Variants in KCNQ1 observed in about 807,000 individuals in gnomAD.
KCNQ1 encodes the protein potassium voltage-gated channel subfamily Q member 1, also known as potassium voltage-gated channel subfamily KQT member 1.
KCNQ1 carries 49 observed loss-of-function variants against 72.4 expected under a neutral mutation model. The observed-to-expected ratio is 0.68, with a 90% CI of 0.54 to 0.86. KCNQ1 has a LOEUF of 0.86. Ranked by LOEUF, KCNQ1 falls within the 40% of genes least tolerant of loss-of-function variation. The pLI, the probability that KCNQ1 is intolerant of heterozygous loss-of-function variation, is 0.00. For missense variants in KCNQ1, 790 were observed against 945.1 expected, an observed-to-expected ratio of 0.84 and a Z score of 2.15; for synonymous variants, 450 against 412.6, an observed-to-expected ratio of 1.09 and a Z score of -1.10.
At chr11:2,838,245 G>T (rs557792103) in intron 15 of KCNQ1, among the ~76,000 whole-genome samples, 3 of 152,372 alleles carry the variant, frequency 2.0e-5, no homozygotes, top group African/African-American at 7.2e-5. Context: ...AGGGTCGGGG[G>T]ACAGGTGCCA....
rs115812926 is a variant in KCNQ1, at chr11:2,720,783, G to A, written c.1515-48061G>A. ...TGTCCCTCTCAGCCAATGGGAAGTC[G>A]TGCCCTTGGATCATTTGGGGCAAAT... is the stretch of plus-strand genomic sequence containing the variant. On this transcript the variant is annotated intron_variant, in intron 11 of 15. Transcript: ENST00000155840. The surrounding 1 kb of genome is among the most constrained non-coding windows in gnomAD (Gnocchi z 5.1). Among the ~76,000 whole-genome samples, 1,093 of 152,250 alleles carry A rather than the reference G, an allele frequency of 7.2e-3. 12 individuals carry two copies. The highest frequency in any genetic ancestry group is 0.025 in the African/African-American group (1,049 of 41,534).
At chr11:2,802,013 CTTTGTATT>C (rs1376498115) in intron 15 of KCNQ1, among the ~76,000 whole-genome samples, 1 of 152,226 alleles carries the variant, frequency 6.6e-6, no homozygotes, top group Non-Finnish European at 1.5e-5. Flanking sequence ...GTTGGGGGAG[CTTTGTATT>C]CTCTGTGGCT....
At position 2,521,163 on chromosome 11, in the gene KCNQ1, C is replaced by T. The variant is rs556755183; in HGVS notation, c.387-6765C>T. On this transcript the variant is annotated intron_variant, in intron 1 of 15. Transcript: ENST00000155840. The stretch of plus-strand genomic sequence containing the variant: ...TACATGGTTGTGCAACCGTCACCAC[C>T]ATCCACCCCAAAACTTCTCTCCCAA... 3.9e-5 allele frequency among the ~76,000 whole-genome samples: 6 copies of T among 152,240 alleles called. No homozygotes were observed. The South Asian group carries it at 6.2e-4, about 16-fold the overall frequency.
At chr11:2,814,121 G>A (rs977662795) in intron 15 of KCNQ1, among the ~76,000 whole-genome samples, 54 of 151,240 alleles carry the variant, frequency 3.6e-4, no homozygotes, top group Admixed American at 2.6e-3. Flanking sequence ...ATGAATAAAG[G>A]GATGGGTGGA....
chr11:2,835,686 A>T (rs923828393), intron 15 of KCNQ1, among the ~76,000 whole-genome samples: 4 of 152,128 alleles, frequency 2.6e-5, no homozygotes, highest in African/African-American at 9.7e-5. Flanking sequence ...AGCCTGCAGC[A>T]TGCTGGGGCA....
Position 2,746,136 on chromosome 11 carries a change from C to T in KCNQ1, c.1515-22708C>T, listed in dbSNP as rs191141548. On this transcript the variant is annotated intron_variant, in intron 11 of 15. Coordinates refer to ENST00000155840, the MANE Select transcript of KCNQ1 (RefSeq NM_000218.3). This position sits in a 1 kb window ranked among gnomAD's most constrained non-coding sequence, Gnocchi z 5.9. ...AACTCCTGGCCTCAAGTGATCCATC[C>T]GCCTCGGCCTCCCAAAGTGCTGGGA... Among the ~76,000 whole-genome samples, 36 of 152,276 alleles carry T rather than the reference C, an allele frequency of 2.4e-4. 1 individual carries two copies. The highest frequency in any genetic ancestry group is 3.1e-4 in the African/African-American group (13 of 41,548).
chr11:2,677,551 C>T lies in KCNQ1; in HGVS notation c.1514+15470C>T. On this transcript the variant is annotated intron_variant, in intron 11 of 15. Coordinates refer to ENST00000155840, the MANE Select transcript of KCNQ1 (RefSeq NM_000218.3). This position sits in a 1 kb window ranked among gnomAD's most constrained non-coding sequence, Gnocchi z 4.5. ...CTCTGCCAAGTATAAAAGATGCCCT[C>T]AGATGTTACCATATAATGCTTTACA... 2.5e-6 allele frequency: 1 copy of T among 398,584 alleles called. No individual in the cohort carries two copies. Among genetic ancestry groups the T allele is most frequent in the Non-Finnish European group, 4.4e-6 (1 of 226,060 alleles). The allele number at this position is 398,584 out of a possible 1,614,324, so 24.7% of individuals were successfully genotyped here. A position where few individuals can be genotyped will look rare whatever the true frequency, so the allele number is the denominator to read the frequency against.
chr11:2,701,944 AT>A (rs1850822709), intron 11 of KCNQ1, among the ~76,000 whole-genome samples: 1 of 152,208 alleles, frequency 6.6e-6, no homozygotes, highest in African/African-American at 2.4e-5. Context: ...AACGAGAGAG[AT>A]TATGTGAGAA....
chr11:2,597,180 T>C (rs754751263), intron 10 of KCNQ1, among the ~76,000 whole-genome samples: 2 of 152,188 alleles, frequency 1.3e-5, no homozygotes, highest in Non-Finnish European at 2.9e-5. Flanking sequence ...ATCAAAGAGT[T>C]TGATAACACT....
At chr11:2,518,190 G>A (rs549013059) in intron 1 of KCNQ1, among the ~76,000 whole-genome samples, 1 of 152,392 alleles carries the variant, frequency 6.6e-6, no homozygotes, top group Admixed American at 6.5e-5. Flanking sequence ...CCCCTGCTCT[G>A]GTCGGGGAGG....
intron 11 of KCNQ1, chr11:2,667,079 A>G (rs531785396): frequency 1.8e-4 from 72 of 398,648 alleles, no homozygotes; most frequent in African/African-American, 1.4e-3. Flanking sequence ...CGGGGGGATT[A>G]AATGTTCTTC....
At chr11:2,758,930 G>T (rs1846344899) in intron 11 of KCNQ1, among the ~76,000 whole-genome samples, 1 of 152,142 alleles carries the variant, frequency 6.6e-6, no homozygotes, top group South Asian at 2.1e-4. Context: ...ACGCAGAGGG[G>T]GTCTTTCTGG....
chr11:2,699,666 G>GGAGAACCGCGCCGAAGAACCCCCGGC (rs1850752724), intron 11 of KCNQ1: 1 of 356,594 alleles, frequency 2.8e-6, no homozygotes, highest in East Asian at 4.4e-5. Context: ...GAACCCCCGG[G>GGAGAACCGCGCCGAAGAACCCCCGGC]GAGAACCGCG....
intron 10 of KCNQ1, among the ~76,000 whole-genome samples, chr11:2,606,641 C>A (rs1190187989): frequency 6.6e-6 from 1 of 152,140 alleles, no homozygotes; most frequent in Non-Finnish European, 1.5e-5. Flanking sequence ...CAATTAAAAT[C>A]TTCTTTATAA....
At chr11:2,795,328 C>CGGA (rs559315446) in intron 15 of KCNQ1, among the ~76,000 whole-genome samples, 5 of 152,372 alleles carry the variant, frequency 3.3e-5, no homozygotes, top group South Asian at 2.1e-4. Flanking sequence ...GGGGAGGCCA[C>CGGA]GGACAGGGCC....
chr11:2,809,355 T>C lies in KCNQ1; in HGVS notation c.1794+31318T>C, dbSNP rs1847441761. 6.6e-6 allele frequency among the ~76,000 whole-genome samples: 1 copy of C among 152,204 alleles called. No homozygotes were observed. Among genetic ancestry groups the C allele is most frequent in the African/African-American group, 2.4e-5 (1 of 41,448 alleles). Reference sequence around the variant, plus strand: ...CTCATCGTGGGTTTTTGCGGTCTTCTCTCAGCTTTGTGTGGTAGCCAGCGA... The same window carrying C: ...CTCATCGTGGGTTTTTGCGGTCTTCCCTCAGCTTTGTGTGGTAGCCAGCGA... On this transcript the variant is annotated intron_variant, in intron 15 of 15. Transcript: ENST00000155840. This position sits in a 1 kb window ranked among gnomAD's most constrained non-coding sequence, Gnocchi z 7.1.
Position 2,847,772 on chromosome 11 carries a change from G to T in KCNQ1, c.1800G>T (p.Thr600=). 1 of 1,573,608 alleles carries T rather than the reference G, an allele frequency of 6.4e-7. No individual in the cohort carries two copies. Among genetic ancestry groups the T allele is most frequent in the South Asian group, 1.2e-5 (1 of 85,872 alleles). ...GTCTGCCTTTGTCCCCGCAGGTGAC[G>T]CAGCTGGACCAGAGGCTGGCACTCA... ...ARLNRVEDKV[T]QLDQRLALIT... The change falls in exon 16 of 16, where the codon ACG becomes ACT. Residue 600 remains threonine, a synonymous_variant. Coordinates refer to ENST00000155840, the MANE Select transcript of KCNQ1 (RefSeq NM_000218.3).
rs1847965043 is a variant in KCNQ1, at chr11:2,550,341, C to G, written c.478-20287C>G. On this transcript the variant is annotated intron_variant, in intron 2 of 15. Coordinates refer to ENST00000155840, the MANE Select transcript of KCNQ1 (RefSeq NM_000218.3). This position sits in a 1 kb window ranked among gnomAD's most constrained non-coding sequence, Gnocchi z 6.0. ...GCAGCATCTGCATCCTTGCCGTCAC[C>G]CCTCACACCCCCTGCTAGGGTCCCT... Among the ~76,000 whole-genome samples, 1 of 152,188 alleles carries G rather than the reference C, an allele frequency of 6.6e-6. No individual in the cohort carries two copies. Among genetic ancestry groups the G allele is most frequent in the African/African-American group, 2.4e-5 (1 of 41,450 alleles).
In KCNQ1 at chr11:2,661,856, C is replaced by T; in HGVS notation, c.1394-105C>T. On this transcript the variant is annotated intron_variant, in intron 10 of 15. Coordinates refer to ENST00000155840, the MANE Select transcript of KCNQ1 (RefSeq NM_000218.3). The surrounding 1 kb of genome is among the most constrained non-coding windows in gnomAD (Gnocchi z 5.9). ...TTGTCAGGGCTGGAGCTTCCAGGCA[C>T]AAGCTCCACTCCTCACCTGGCCCTG... 3 of 1,436,230 alleles carry T rather than the reference C, an allele frequency of 2.1e-6. No individual in the cohort carries two copies. Among genetic ancestry groups the T allele is most frequent in the Non-Finnish European group, 2.9e-6 (3 of 1,022,078 alleles). The allele number at this position is 1,436,230 out of a possible 1,614,324, so 89.0% of individuals were successfully genotyped here.
Sources: allele counts gnomAD v4.1 joint callset (sites outside exome capture counted in the v4.1 genomes callset), GRCh38; gene constraint gnomAD v4.1.1; non-coding constraint Gnocchi (gnomAD v3.1); transcripts MANE v1.5; gene names NCBI Gene and HGNC (gene_info 2026-07-23, HGNC 2026-07-21).